PKN2: variants seen among roughly 807,000 people sequenced by gnomAD.
PKN2 encodes protein kinase N2, also known as serine/threonine-protein kinase N2.
In PKN2, 38 loss-of-function variants were observed where a neutral mutation model predicts 119.1. The ratio of observed to expected loss-of-function variants is 0.32; its 90% CI spans 0.25 to 0.42. The LOEUF is 0.42. PKN2 is among the 10% of genes least tolerant of loss of function. PKN2 has a pLI of 1.00. For synonymous variants in PKN2, 390 were observed against 384.9 expected (o/e 1.01, Z -0.15); for missense variants, 850 against 1,165.1 (o/e 0.73, Z 3.94).
chr1:88,722,171 T>C (rs966133029), intron 1 of PKN2, among the ~76,000 whole-genome samples: 4 of 152,184 alleles, frequency 2.6e-5, no homozygotes, highest in Non-Finnish European at 5.9e-5. Context: ...ATTATAAGAA[T>C]GTGGAATGTG....
chr1:88,747,512 T>C (rs548858966), intron 2 of PKN2, among the ~76,000 whole-genome samples: 2 of 152,328 alleles, frequency 1.3e-5, no homozygotes, highest in South Asian at 2.1e-4. Flanking sequence ...AGTAGTAATC[T>C]AAGCCTTAGT....
At chr1:88,777,983 C>T (rs1181636463) in intron 6 of PKN2, among the ~76,000 whole-genome samples, 2 of 152,158 alleles carry the variant, frequency 1.3e-5, no homozygotes, top group African/African-American at 4.8e-5. Flanking sequence ...TTACAATACT[C>T]CCTTGTATTG....
At chr1:88,707,017 T>G (rs986244366) in intron 1 of PKN2, among the ~76,000 whole-genome samples, 2 of 152,120 alleles carry the variant, frequency 1.3e-5, no homozygotes, top group African/African-American at 2.4e-5. Flanking sequence ...TTTTTGGTTT[T>G]GTTTTGTTTC....
intron 1 of PKN2, among the ~76,000 whole-genome samples, chr1:88,724,269 A>G (rs915068926): frequency 6.6e-6 from 1 of 152,168 alleles, no homozygotes; most frequent in Non-Finnish European, 1.5e-5. Context: ...TTATAATTAA[A>G]TAGTTTCTTG....
chr1:88,687,752 T>C (rs1666160629), intron 1 of PKN2, among the ~76,000 whole-genome samples: 1 of 149,858 alleles, frequency 6.7e-6, no homozygotes, highest in African/African-American at 2.5e-5. Context: ...AGGGGTTAAT[T>C]TCACCAAACA....
At chr1:88,729,936 C>T (rs1185087407) in intron 1 of PKN2, among the ~76,000 whole-genome samples, 4 of 152,032 alleles carry the variant, frequency 2.6e-5, no homozygotes, top group African/African-American at 7.3e-5. Flanking sequence ...GAGGCCAAGG[C>T]GGGCGGATCA....
rs749084601 is a variant in PKN2 at position 88,741,319 on chromosome 1, G to T, written c.349+31G>T. On this transcript the variant is annotated intron_variant, in intron 2 of 21. Coordinates refer to ENST00000370521, the MANE Select transcript of PKN2 (RefSeq NM_006256.4). Reference sequence around the variant, plus strand: ...GTAGTGCTTTATTTGATGTTTATATGGTATATTAATAAAAAAAATGTATCT... The same window carrying T: ...GTAGTGCTTTATTTGATGTTTATATTGTATATTAATAAAAAAAATGTATCT... 5 of 1,303,152 alleles carry T rather than the reference G, an allele frequency of 3.8e-6. No homozygotes were observed. In the African/African-American group the frequency reaches 7.7e-5, roughly 20 times the overall value. 80.7% of individuals were successfully genotyped at this position (1,303,152 alleles called of 1,614,324 possible).
intron 3 of PKN2, among the ~76,000 whole-genome samples, chr1:88,769,507 G>A (rs1035296756): frequency 6.6e-6 from 1 of 152,164 alleles, no homozygotes; most frequent in African/African-American, 2.4e-5. Flanking sequence ...AATTACAAAT[G>A]TGAATTTGGA....
intron 1 of PKN2, among the ~76,000 whole-genome samples, chr1:88,689,259 TC>T (rs1666237954): frequency 6.6e-6 from 1 of 152,230 alleles, no homozygotes; most frequent in Admixed American, 6.5e-5. Flanking sequence ...TGCTCATAGT[TC>T]TGTCACTTAG....
chr1:88,773,060 T>C (rs1302529662), intron 6 of PKN2, among the ~76,000 whole-genome samples: 1 of 152,206 alleles, frequency 6.6e-6, no homozygotes, highest in Non-Finnish European at 1.5e-5. Flanking sequence ...AACTCCTTTA[T>C]AATGTCCTTC....
intron 6 of PKN2, among the ~76,000 whole-genome samples, chr1:88,779,440 G>A (rs1347009152): frequency 4.7e-5 from 7 of 149,618 alleles, no homozygotes; most frequent in African/African-American, 1.7e-4. Flanking sequence ...ATTTCACAAG[G>A]CCAGATTTAT....
Position 88,771,467 on chromosome 1 carries a change from G to T in PKN2, c.669G>T (p.Arg223Ser), listed in dbSNP as rs750438603. The change falls in exon 5 of 22, where the codon AGG (arginine) becomes AGT (serine). Residue 223 changes from arginine to serine, a missense_variant. Physicochemically the swap from Arg to Ser is moderately radical, Grantham distance 110. Transcript: ENST00000370521. ...SPLELRMEEL[R>S]HHFRIEFAVA... ...TTGAACTTCGGATGGAAGAATTAAG[G>T]CATCATTTTAGGATAGAGTTTGCAG... 1.9e-6 allele frequency: 3 copies of T among 1,607,860 alleles called. No individual in the cohort carries two copies. In the South Asian group the frequency reaches 3.4e-5, roughly 18 times the overall value.
chr1:88,788,190 T>G (rs1420323971), intron 8 of PKN2, among the ~76,000 whole-genome samples: 2 of 152,208 alleles, frequency 1.3e-5, no homozygotes, highest in Non-Finnish European at 1.5e-5. Context: ...AGGATAATTC[T>G]AGAAATGATC....
chr1:88,786,948 G>A (rs1670602419), intron 8 of PKN2, among the ~76,000 whole-genome samples: 1 of 143,102 alleles, frequency 7.0e-6, no homozygotes, highest in African/African-American at 2.6e-5. Context: ...TTTAAAACTG[G>A]GAAAGCATTC....
chr1:88,748,015 C>T (rs1412845392), intron 2 of PKN2, among the ~76,000 whole-genome samples: 16 of 152,032 alleles, frequency 1.1e-4, no homozygotes, highest in Admixed American at 1.1e-3. Flanking sequence ...CTTTTGCACT[C>T]CTGGATTTGT....
rs999045390 is a variant in PKN2, at chr1:88,833,525, G to A, written c.*77G>A. The stretch of plus-strand genomic sequence containing the variant: ...TAGCAACCCTTCATTTGCTCTCTGT[G>A]CCACCAATAGCTTCTGAGTTTTTTG... On this transcript the variant is annotated 3_prime_UTR_variant, in exon 22 of 22. Coordinates refer to ENST00000370521, the MANE Select transcript of PKN2 (RefSeq NM_006256.4). The A allele has an allele frequency of 9.6e-7, 1 of 1,041,100 alleles. No individual in the cohort carries two copies. Among genetic ancestry groups the A allele is most frequent in the Non-Finnish European group, 1.5e-6 (1 of 686,646 alleles). 64.5% of individuals were successfully genotyped at this position (1,041,100 alleles called of 1,614,324 possible).
At chr1:88,732,325 T>C (rs1668172607) in intron 1 of PKN2, among the ~76,000 whole-genome samples, 1 of 152,120 alleles carries the variant, frequency 6.6e-6, no homozygotes, top group South Asian at 2.1e-4. Flanking sequence ...CTTTGAAAAA[T>C]AAAATGGAAA....
chr1:88,704,845 A>G (rs1666913643), intron 1 of PKN2, among the ~76,000 whole-genome samples: 1 of 150,578 alleles, frequency 6.6e-6, no homozygotes, highest in African/African-American at 2.5e-5. Flanking sequence ...GGTACAGTTA[A>G]TAGTTTTAAT....
At chr1:88,774,514 TG>T (rs1670010986) in intron 6 of PKN2, among the ~76,000 whole-genome samples, 1 of 152,080 alleles carries the variant, frequency 6.6e-6, no homozygotes, top group African/African-American at 2.4e-5. Flanking sequence ...CGCCTATCAC[TG>T]GGGGAAATTC....
Sources: gnomAD v4.1 joint callset for allele counts (sites outside exome capture counted in the v4.1 genomes callset) on GRCh38, gnomAD v4.1.1 for gene constraint, MANE v1.5 for transcripts, NCBI Gene and HGNC (gene_info 2026-07-23, HGNC 2026-07-21) for gene names.